The following DCHS2 variants were observed in gnomAD, a reference collection of about 807,000 sequenced individuals.
The protein encoded by DCHS2 is dachsous cadherin-related 2, also known as protocadherin-23.
In DCHS2, 142 loss-of-function variants were observed where a neutral mutation model predicts 182.4. The observed-to-expected ratio is 0.78, with a 90% confidence interval of 0.68 to 0.89. The LOEUF (loss-of-function observed/expected upper bound fraction) is 0.89. DCHS2 is among the 40% of genes least tolerant of loss of function. The pLI is 0.00. For synonymous variants in DCHS2, 1,740 were observed against 1,663.3 expected (o/e 1.05, Z -1.12); for missense variants, 4,319 against 4,198.6 (o/e 1.03, Z -0.79).
In DCHS2 at chr4:154,398,101, C is replaced by T. The variant is rs1481536282; in HGVS notation, c.2053-20657G>A. On this transcript the variant is annotated intron_variant, in intron 1 of 19. Coordinates refer to ENST00000357232, the MANE Select transcript of DCHS2 (RefSeq NM_001358235.2). ...TTTTGGCTTTAAGGAGGAAAAATCC[C>T]ATCTGGTACATGTTTATCTTCTATG... Among the ~76,000 whole-genome samples the T allele has an allele frequency of 5.9e-5, 9 of 152,278 alleles. No homozygotes were observed. In the South Asian group the frequency reaches 1.9e-3, roughly 32 times the overall value.
At chr4:154,248,790 C>A (rs1439755206) in intron 16 of DCHS2, among the ~76,000 whole-genome samples, 1 of 152,106 alleles carries the variant, frequency 6.6e-6, no homozygotes, top group Non-Finnish European at 1.5e-5. Flanking sequence ...CACACACGTA[C>A]AACCATTCAA....
intron 2 of DCHS2, among the ~76,000 whole-genome samples, chr4:154,371,488 A>T (rs1208081505): frequency 6.6e-6 from 1 of 152,158 alleles, no homozygotes; most frequent in Non-Finnish European, 1.5e-5. Context: ...GGAGTTTGCT[A>T]AATAATGGAC....
chr4:154,302,930 T>C (rs1177803477), intron 12 of DCHS2, among the ~76,000 whole-genome samples: 1 of 115,184 alleles, frequency 8.7e-6, no homozygotes, highest in Non-Finnish European at 1.7e-5. Context: ...GAAATAGATA[T>C]ACGTATACAC....
intron 3 of DCHS2, among the ~76,000 whole-genome samples, chr4:154,337,732 TTTATTATTA>T (rs149425538): frequency 6.7e-6 from 1 of 150,338 alleles, no homozygotes; most frequent in Admixed American, 6.7e-5. Context: ...CTAGCCATAT[TTTATTATTA>T]TTATTATTAT....
Position 154,239,330 on chromosome 4 carries a change from A to G in DCHS2, c.7360-28T>C, listed in dbSNP as rs774665297. ...GAGGGAAAAAGAGAAAAATAGGGAC[A>G]TTGTGCTTAAAGGCTGAAGGTATTT... On this transcript the variant is annotated intron_variant, in intron 18 of 19. Transcript: ENST00000357232. The G allele has an allele frequency of 2.5e-6, 4 of 1,610,516 alleles. No individual in the cohort carries two copies. The South Asian group carries it at 4.4e-5, about 18-fold the overall frequency.
Position 154,233,954 on chromosome 4 carries a change from A to C in DCHS2, c.*582T>G, listed in dbSNP as rs556685217. On this transcript the variant is annotated 3_prime_UTR_variant, in exon 20 of 20. Transcript: ENST00000357232. ...GAATTTTTTATTAGTTTTCCAAAAG[A>C]CTCCACATTGAAATTCAATTATGGC... 1 of 152,244 alleles carries C rather than the reference A, an allele frequency of 6.6e-6. No homozygotes were observed. The highest frequency in any genetic ancestry group is 2.4e-5 in the African/African-American group (1 of 41,542). 9.4% of individuals were successfully genotyped at this position (152,244 alleles called of 1,614,324 possible). A position where few individuals can be genotyped will look rare whatever the true frequency, so the allele number is the denominator to read the frequency against.
At chr4:154,484,401 T>C (rs952501923) in intron 1 of DCHS2, among the ~76,000 whole-genome samples, 1 of 152,158 alleles carries the variant, frequency 6.6e-6, no homozygotes, top group Non-Finnish European at 1.5e-5. Flanking sequence ...TTATCTCCCA[T>C]GTATTTCCAT....
chr4:154,324,770 T>C (rs1374938131), intron 7 of DCHS2, among the ~76,000 whole-genome samples: 1 of 152,198 alleles, frequency 6.6e-6, no homozygotes, highest in Non-Finnish European at 1.5e-5. Flanking sequence ...AAGAAACTCA[T>C]AGCATGGAGC....
chr4:154,249,035 T>G lies in DCHS2; in HGVS notation c.6942-6263A>C, dbSNP rs148297138. ...CTTGAAATTGGCCCTGGCAAGAAATTTTTGGCTAAGTCCTCAAAAGCAATT... is the reference window on the plus strand; with the variant it reads ...CTTGAAATTGGCCCTGGCAAGAAATGTTTGGCTAAGTCCTCAAAAGCAATT... On this transcript the variant is annotated intron_variant, in intron 16 of 19. Coordinates refer to ENST00000357232, the MANE Select transcript of DCHS2 (RefSeq NM_001358235.2). Among the ~76,000 whole-genome samples the G allele has an allele frequency of 3.9e-5, 6 of 152,284 alleles. No homozygotes were observed. The East Asian group carries it at 7.7e-4, about 20-fold the overall frequency.
chr4:154,315,673 A>G, intron 10 of DCHS2, 75 bp downstream of exon 10: 1 of 1,556,540 alleles, frequency 6.4e-7, no homozygotes, highest in Non-Finnish European at 8.7e-7. Flanking sequence ...AGCCATAACT[A>G]TTATAAATTA....
chr4:154,476,812 T>C (rs1024069240), intron 1 of DCHS2, among the ~76,000 whole-genome samples: 3 of 152,236 alleles, frequency 2.0e-5, no homozygotes, highest in African/African-American at 4.8e-5. Context: ...CTATCTGATA[T>C]ATGATAAGAG....
chr4:154,237,198 C>T, intron 19 of DCHS2, 39 bp from the exon 20 acceptor site: 3 of 1,551,202 alleles, frequency 1.9e-6, no homozygotes, highest in Non-Finnish European at 1.7e-6. Flanking sequence ...CTGTGAGGTG[C>T]AGTTTTGATG....
chr4:154,350,948 G>A (rs767874851), intron 3 of DCHS2, among the ~76,000 whole-genome samples: 35 of 152,160 alleles, frequency 2.3e-4, no homozygotes, highest in Non-Finnish European at 4.9e-4. Flanking sequence ...GGAAAATGCA[G>A]GAAAAGAAGG....
At chr4:154,413,704 G>T (rs773648065) in intron 1 of DCHS2, among the ~76,000 whole-genome samples, 1 of 152,116 alleles carries the variant, frequency 6.6e-6, no homozygotes, top group Non-Finnish European at 1.5e-5. Context: ...CCAAGGGCTG[G>T]CTGAGGCCCT....
chr4:154,280,589 G>T (rs926098839), intron 13 of DCHS2, among the ~76,000 whole-genome samples: 1 of 151,886 alleles, frequency 6.6e-6, no homozygotes, highest in Non-Finnish European at 1.5e-5. Context: ...AAATTAATGC[G>T]ATACACCACA....
At chr4:154,309,810 A>G (rs1198848447) in intron 10 of DCHS2, among the ~76,000 whole-genome samples, 7 of 152,234 alleles carry the variant, frequency 4.6e-5, no homozygotes, top group South Asian at 2.1e-4. Context: ...ACTGTGATAA[A>G]GTGACTATTA....
At position 154,321,091 on chromosome 4, in the gene DCHS2, A is replaced by G. The variant is rs951861308; in HGVS notation, c.4308T>C (p.Asn1436=). 2.5e-6 allele frequency: 4 copies of G among 1,609,468 alleles called. No homozygotes were observed. In the Admixed American group the frequency reaches 5.0e-5, roughly 20 times the overall value. ...KSSDHLQQHY[N]GKLHFSIVAD... ...CAACAATACTAAAATGTAACTTTCCATTATAATGTTGTTGAAGGTGATCAG... is the reference window on the plus strand; with the variant it reads ...CAACAATACTAAAATGTAACTTTCCGTTATAATGTTGTTGAAGGTGATCAG... Residue 1436 remains asparagine (N), a synonymous_variant, in exon 9 of 20, where the codon AAT becomes AAC. Coordinates refer to ENST00000357232, the MANE Select transcript of DCHS2 (RefSeq NM_001358235.2).
At chr4:154,380,498 C>T (rs1731120534) in intron 1 of DCHS2, among the ~76,000 whole-genome samples, 1 of 152,116 alleles carries the variant, frequency 6.6e-6, no homozygotes, top group African/African-American at 2.4e-5. Context: ...ATAACTTTGG[C>T]TTCATTGAAA....
At chr4:154,380,445 T>C (rs1731117440) in intron 1 of DCHS2, among the ~76,000 whole-genome samples, 2 of 152,170 alleles carry the variant, frequency 1.3e-5, no homozygotes, top group Admixed American at 1.3e-4. Flanking sequence ...TTCAAGTTCC[T>C]GAAGACACCA....
Sources: allele counts gnomAD v4.1 joint callset (sites outside exome capture counted in the v4.1 genomes callset), GRCh38; gene constraint gnomAD v4.1.1; transcripts MANE v1.5; gene names NCBI Gene and HGNC (gene_info 2026-07-23, HGNC 2026-07-21).